The following TAAR1 variants were observed in gnomAD, a reference collection of about 807,000 sequenced individuals.
The protein encoded by TAAR1 is trace amine associated receptor 1.
In TAAR1, 1 loss-of-function variant was observed where a neutral mutation model predicts 1.2. The ratio of observed to expected loss-of-function variants is 0.81; its 90% CI spans 0.29 to 3.86. The LOEUF (loss-of-function observed/expected upper bound fraction) is 3.86. TAAR1 is among the 30% of genes most tolerant of loss of function. The pLI, the probability that TAAR1 is intolerant of heterozygous loss-of-function variation, is 0.18. For synonymous variants in TAAR1, 153 were observed against 132.2 expected (o/e 1.16, Z -1.08); for missense variants, 445 against 405.6 (o/e 1.10, Z -0.83).
Position 132,643,637 on chromosome 6 carries a change from G to T in TAAR1, c.*1347C>A, listed in dbSNP as rs761346501. Among the ~76,000 whole-genome samples the T allele has an allele frequency of 1.3e-5, 2 of 151,862 alleles. No homozygotes were observed. The highest frequency in any genetic ancestry group is 2.4e-5 in the African/African-American group (1 of 41,392). On this transcript the variant is annotated 3_prime_UTR_variant, in exon 2 of 2. Coordinates refer to ENST00000275216, the MANE Select transcript of TAAR1 (RefSeq NM_138327.4). The stretch of plus-strand genomic sequence containing the variant: ...TACGCAGCAGTGTGCATTTAGTTAC[G>T]TTTAAAATCATTTGCCTTACCCTAA...
rs542425910 is a variant in TAAR1 at position 132,651,157 on chromosome 6, C to G, written c.-126-5028G>C. ...TTCCCTCGGCTCCTGGGTCACCACC[C>G]CGCTGTGGTTCTGCTATCTCACAAG... On this transcript the variant is annotated intron_variant, in intron 1 of 1. Coordinates refer to ENST00000275216, the MANE Select transcript of TAAR1 (RefSeq NM_138327.4). 2.0e-4 allele frequency among the ~76,000 whole-genome samples: 30 copies of G among 152,296 alleles called. No individual in the cohort carries two copies. In the East Asian group the frequency reaches 5.0e-3, roughly 25 times the overall value.
chr6:132,652,536 AC>A (rs1246135216), intron 1 of TAAR1, among the ~76,000 whole-genome samples: 1 of 149,536 alleles, frequency 6.7e-6, no homozygotes, highest in Non-Finnish European at 1.5e-5. Context: ...TGATCTCCTG[AC>A]CTCGTGATCC....
At chr6:132,648,809 T>C (rs1777715715) in intron 1 of TAAR1, among the ~76,000 whole-genome samples, 1 of 152,200 alleles carries the variant, frequency 6.6e-6, no homozygotes, top group Non-Finnish European at 1.5e-5. Context: ...CTAGAGATAA[T>C]TATTATCTGT....
At chr6:132,652,164 A>AT (rs201543741) in intron 1 of TAAR1, among the ~76,000 whole-genome samples, 5 of 151,682 alleles carry the variant, frequency 3.3e-5, no homozygotes, top group East Asian at 1.9e-4. Flanking sequence ...AAGCTAGGTG[A>AT]TTTTTTTTTC....
intron 1 of TAAR1, among the ~76,000 whole-genome samples, chr6:132,650,532 G>T (rs1777739017): frequency 1.3e-5 from 2 of 152,192 alleles, no homozygotes; most frequent in Admixed American, 6.5e-5. Context: ...TCTCTGAGAT[G>T]ACTATTTCAT....
intron 1 of TAAR1, among the ~76,000 whole-genome samples, chr6:132,656,507 G>C (rs962938961): frequency 1.3e-5 from 2 of 152,142 alleles, no homozygotes; most frequent in Non-Finnish European, 2.9e-5. Context: ...CACTGCTGAA[G>C]CTCCAAGGCC....
At chr6:132,658,107 A>G (rs186417663) in intron 1 of TAAR1, among the ~76,000 whole-genome samples, 2 of 152,156 alleles carry the variant, frequency 1.3e-5, no homozygotes, top group Non-Finnish European at 2.9e-5. Context: ...TAAAATAGAC[A>G]ATAATAATTT....
At chr6:132,649,070 G>C (rs73775164) in intron 1 of TAAR1, among the ~76,000 whole-genome samples, 2,953 of 152,184 alleles carry the variant, frequency 0.019, 90 homozygotes, top group African/African-American at 0.067. Context: ...CCTATCATAA[G>C]CTTTGTCCCG....
At chr6:132,657,859 C>A (rs2745428) in intron 1 of TAAR1, among the ~76,000 whole-genome samples, 124,986 of 152,014 alleles carry the variant, frequency 0.82, 51,591 homozygotes, top group African/African-American at 0.89. Flanking sequence ...TTCTATGGGA[C>A]TGTTTCACTT....
intron 1 of TAAR1, among the ~76,000 whole-genome samples, chr6:132,651,726 G>A (rs1038384304): frequency 1.3e-5 from 2 of 152,122 alleles, no homozygotes; most frequent in Admixed American, 1.3e-4. Flanking sequence ...TCCACAGAAA[G>A]TATCCCCAAC....
rs369337848 is a variant in TAAR1 at position 132,645,660 on chromosome 6, G to A, written c.344C>T (p.Ser115Phe). Residue 115 changes from serine (S) to phenylalanine (F), a missense_variant, in exon 2 of 2, where the codon TCT becomes TTT. Transcript: ENST00000275216. ...ATAGTAGCGGTCAATGGAGATGAAA[G>A]ACAAATGGAAAATGGAGGCTGAGCT... ...MLSSASIFHL[S>F]FISIDRYYAV... 4.3e-6 allele frequency: 7 copies of A among 1,613,446 alleles called. No individual in the cohort carries two copies. Among genetic ancestry groups the A allele is most frequent in the Non-Finnish European group, 5.9e-6 (7 of 1,179,766 alleles).
chr6:132,653,988 C>T (rs1582753642), intron 1 of TAAR1, among the ~76,000 whole-genome samples: 2 of 152,142 alleles, frequency 1.3e-5, no homozygotes, highest in Admixed American at 1.3e-4. Flanking sequence ...GGGAAAAAAA[C>T]ATAAATGCTA....
Position 132,645,199 on chromosome 6 carries a change from T to C in TAAR1, c.805A>G (p.Ile269Val), listed in dbSNP as rs1777648595. The C allele has an allele frequency of 1.9e-6, 3 of 1,613,474 alleles. No individual in the cohort carries two copies. Among genetic ancestry groups the C allele is most frequent in the Non-Finnish European group, 2.5e-6 (3 of 1,179,704 alleles). Residue 269 changes from isoleucine to valine, a missense_variant, in exon 2 of 2, where the codon ATC (isoleucine) becomes GTC (valine). Physicochemically the swap from Ile to Val is conservative, Grantham distance 29 (BLOSUM62 3). Coordinates refer to ENST00000275216, the MANE Select transcript of TAAR1 (RefSeq NM_138327.4). The stretch of plus-strand genomic sequence containing the variant: ...AGAAAAGGGTCCATGACTGTACAGA[T>C]AAAGAAAGGGCACCAGCATATTAGG... Reference protein sequence around the residue: ...VFLICWCPFFICTVMDPFLHY... With the variant: ...VFLICWCPFFVCTVMDPFLHY...
At chr6:132,647,370 AC>A (rs1777685770) in intron 1 of TAAR1, among the ~76,000 whole-genome samples, 1 of 138,920 alleles carries the variant, frequency 7.2e-6, no homozygotes, top group Non-Finnish European at 1.6e-5. Context: ...ATGCACACAC[AC>A]ACACACACAC....
chr6:132,657,610 T>C (rs955487643), intron 1 of TAAR1, among the ~76,000 whole-genome samples: 2 of 151,934 alleles, frequency 1.3e-5, no homozygotes, highest in Non-Finnish European at 2.9e-5. Flanking sequence ...AAAAATATCA[T>C]AAATAGGGAT....
intron 1 of TAAR1, among the ~76,000 whole-genome samples, chr6:132,654,955 G>T (rs573773503): frequency 6.6e-6 from 1 of 152,166 alleles, no homozygotes; most frequent in East Asian, 1.9e-4. Context: ...AGCAAGCATT[G>T]TAAATAGATC....
chr6:132,646,995 T>C (rs1179210435), intron 1 of TAAR1, among the ~76,000 whole-genome samples: 1 of 152,106 alleles, frequency 6.6e-6, no homozygotes. Context: ...TGAAGAATGA[T>C]ATTGTGGTCC....
In TAAR1 at chr6:132,645,910, G is replaced by A; in HGVS notation, c.94C>T (p.Leu32Phe). The change falls in exon 2 of 2, where the codon CTC becomes TTC. Residue 32 changes from leucine (L) to phenylalanine (F), a missense_variant. Coordinates refer to ENST00000275216, the MANE Select transcript of TAAR1 (RefSeq NM_138327.4). The stretch of plus-strand genomic sequence containing the variant: ...CCAACGAGTGTGGTCAGAATTATGA[G>A]CACCATTAAACTGTACAGGGAAGCA... ...VRASLYSLMVLIILTTLVGNL... is the reference protein window; with the variant it reads ...VRASLYSLMVFIILTTLVGNL... The A allele has an allele frequency of 1.2e-6, 2 of 1,613,774 alleles. No homozygotes were observed. Among genetic ancestry groups the A allele is most frequent in the Non-Finnish European group, 8.5e-7 (1 of 1,179,788 alleles).
At chr6:132,646,957 T>C (rs1324122705) in intron 1 of TAAR1, among the ~76,000 whole-genome samples, 3 of 152,138 alleles carry the variant, frequency 2.0e-5, no homozygotes, top group African/African-American at 7.2e-5. Flanking sequence ...TAAGAATTTA[T>C]GATGTCTTAA....
Sources: gnomAD v4.1 joint callset for allele counts (sites outside exome capture counted in the v4.1 genomes callset) on GRCh38, gnomAD v4.1.1 for gene constraint, MANE v1.5 for transcripts, NCBI Gene and HGNC (gene_info 2026-07-23, HGNC 2026-07-21) for gene names.